PDZRN4: variants seen among roughly 807,000 people sequenced by gnomAD.
The protein encoded by PDZRN4 is PDZ domain containing ring finger 4.
A neutral mutation model predicts 99.0 loss-of-function variants in PDZRN4; 70 were observed. That is an observed-to-expected ratio of 0.71 (90% confidence interval 0.58 to 0.86). The LOEUF is 0.86. Among genes scored for constraint, PDZRN4 ranks in the 40% least tolerant of loss-of-function variants. The pLI is 0.00. For missense variants in PDZRN4, 1,474 were observed against 1,331.2 expected (o/e 1.11, Z -1.67); for synonymous variants, 551 against 501.6 (o/e 1.10, Z -1.32).
intron 3 of PDZRN4, among the ~76,000 whole-genome samples, chr12:41,405,954 G>T (rs190093458): frequency 6.6e-6 from 1 of 152,016 alleles, no homozygotes. Flanking sequence ...CTACAGCAGG[G>T]TGGGGGGCAG....
chr12:41,314,158 T>A (rs1264409695), intron 3 of PDZRN4, among the ~76,000 whole-genome samples: 1 of 152,198 alleles, frequency 6.6e-6, no homozygotes, highest in African/African-American at 2.4e-5. Flanking sequence ...TAGGTAAGGA[T>A]AACCTGTAGT....
At chr12:41,538,607 A>T (rs2120760036) in intron 5 of PDZRN4, among the ~76,000 whole-genome samples, 1 of 152,294 alleles carries the variant, frequency 6.6e-6, no homozygotes, top group South Asian at 2.1e-4. Flanking sequence ...ATGGAGAAAC[A>T]TGTCCACTCT....
At chr12:41,543,917 A>G (rs1938903801) in intron 5 of PDZRN4, among the ~76,000 whole-genome samples, 1 of 152,208 alleles carries the variant, frequency 6.6e-6, no homozygotes, top group Admixed American at 6.5e-5. Flanking sequence ...TGGAGCTGGA[A>G]TCAGCCCTGA....
At position 41,509,915 on chromosome 12, in the gene PDZRN4, T is replaced by C; in HGVS notation, c.1203+2T>C. ...AGAACAGAAGACTTTGAATATGAGG[T>C]AAGGTCATTTTCATACCACTTCACA... On this transcript the variant is annotated splice_donor_variant, in intron 5 of 9. Coordinates refer to ENST00000402685, the MANE Select transcript of PDZRN4 (RefSeq NM_001164595.2). LOFTEE classifies it high-confidence loss of function. 7.1e-7 allele frequency: 1 copy of C among 1,413,496 alleles called. No individual in the cohort carries two copies. Among genetic ancestry groups the C allele is most frequent in the Non-Finnish European group, 9.9e-7 (1 of 1,006,796 alleles). The allele number at this position is 1,413,496 out of a possible 1,614,324, so 87.6% of individuals were successfully genotyped here.
intron 3 of PDZRN4, among the ~76,000 whole-genome samples, chr12:41,290,223 G>A (rs1433752783): frequency 2.0e-5 from 3 of 152,130 alleles, no homozygotes; most frequent in Non-Finnish European, 4.4e-5. Flanking sequence ...TTTCTACTTA[G>A]GGAAGACAGA....
intron 3 of PDZRN4, among the ~76,000 whole-genome samples, chr12:41,228,691 G>A (rs1951011477): frequency 1.3e-5 from 2 of 152,068 alleles, no homozygotes; most frequent in Admixed American, 6.6e-5. Context: ...TCATTGCCAA[G>A]TATAAGCATG....
intron 3 of PDZRN4, among the ~76,000 whole-genome samples, chr12:41,280,645 G>C (rs369419349): frequency 6.6e-6 from 1 of 152,334 alleles, no homozygotes; most frequent in African/African-American, 2.4e-5. Context: ...AGCCACTGTA[G>C]CGAGACTGCC....
intron 3 of PDZRN4, among the ~76,000 whole-genome samples, chr12:41,228,639 G>A (rs541689546): frequency 1.3e-5 from 2 of 152,218 alleles, no homozygotes; most frequent in East Asian, 3.9e-4. Flanking sequence ...ATGCTCAGGA[G>A]GCTACCATGC....
intron 3 of PDZRN4, among the ~76,000 whole-genome samples, chr12:41,309,075 C>T (rs993766963): frequency 1.3e-5 from 2 of 152,072 alleles, no homozygotes; most frequent in Non-Finnish European, 2.9e-5. Flanking sequence ...ATACTCCCCT[C>T]AAAAACAATA....
rs575834171 is a variant in PDZRN4, at chr12:41,574,443, A to T, written c.*553A>T. On this transcript the variant is annotated 3_prime_UTR_variant, in exon 10 of 10. Coordinates refer to ENST00000402685, the MANE Select transcript of PDZRN4 (RefSeq NM_001164595.2). ...GTTAACATCCCATTGTACATTTAAC[A>T]CATAAATGGCCATTGTCTTTGTCTC... is the stretch of plus-strand genomic sequence containing the variant. The T allele has an allele frequency of 5.2e-5, 8 of 152,774 alleles. No individual in the cohort carries two copies. The South Asian group carries it at 1.7e-3, about 32-fold the overall frequency. 9.5% of individuals were successfully genotyped at this position (152,774 alleles called of 1,614,324 possible). A position where few individuals can be genotyped will look rare whatever the true frequency, so the allele number is the denominator to read the frequency against.
At chr12:41,431,519 G>C (rs1466827912) in intron 3 of PDZRN4, among the ~76,000 whole-genome samples, 1 of 152,142 alleles carries the variant, frequency 6.6e-6, no homozygotes, top group African/African-American at 2.4e-5. Flanking sequence ...CCTCAGGTCT[G>C]TTACCTTATT....
intron 2 of PDZRN4, among the ~76,000 whole-genome samples, chr12:41,192,348 C>G (rs1029138097): frequency 1.3e-5 from 2 of 152,228 alleles, no homozygotes; most frequent in Admixed American, 1.3e-4. Context: ...TGATCCACCT[C>G]CCTCACCTCC....
Position 41,572,389 on chromosome 12 carries a change from G to A in PDZRN4, c.1610G>A (p.Gly537Asp). 6.2e-7 allele frequency: 1 copy of A among 1,612,218 alleles called. No homozygotes were observed. Residue 537 changes from glycine (G) to aspartate (D), a missense_variant, in exon 10 of 10, where the codon GGC becomes GAC. Physicochemically the swap from Gly to Asp is moderately conservative, Grantham distance 94. Coordinates refer to ENST00000402685, the MANE Select transcript of PDZRN4 (RefSeq NM_001164595.2). ...CCAAAAAAGCAAGAAGAAGAAGAAG[G>A]CACAACAGACACTGCAACATCCTCA... ...EQPKKQEEEE[G>D]TTDTATSSSN...
chr12:41,402,662 C>CATAT (rs55908719), intron 3 of PDZRN4, among the ~76,000 whole-genome samples: 1 of 13,044 alleles, frequency 7.7e-5, no homozygotes, highest in African/African-American at 1.0e-3. Context: ...TGAGTATATA[C>CATAT]ATATATATAT....
At chr12:41,462,067 T>G (rs764381722) in intron 3 of PDZRN4, among the ~76,000 whole-genome samples, 1 of 152,236 alleles carries the variant, frequency 6.6e-6, no homozygotes, top group African/African-American at 2.4e-5. Flanking sequence ...CTATGCGATA[T>G]CTATCTCTTC....
chr12:41,557,420 G>A (rs2120816610), intron 7 of PDZRN4, among the ~76,000 whole-genome samples: 1 of 152,124 alleles, frequency 6.6e-6, no homozygotes, highest in African/African-American at 2.4e-5. Context: ...CCACACTTTT[G>A]GAATCCGAAA....
chr12:41,377,582 T>C (rs1952091537), intron 3 of PDZRN4, among the ~76,000 whole-genome samples: 1 of 151,934 alleles, frequency 6.6e-6, no homozygotes, highest in African/African-American at 2.4e-5. Context: ...GAGAATGGTG[T>C]GAACCCAGGA....
intron 3 of PDZRN4, among the ~76,000 whole-genome samples, chr12:41,311,800 T>C (rs1387009947): frequency 6.6e-6 from 1 of 152,204 alleles, no homozygotes; most frequent in African/African-American, 2.4e-5. Flanking sequence ...AGAGACTTGA[T>C]AGGTATCGTG....
intron 5 of PDZRN4, 119 bp from the exon 6 acceptor site, chr12:41,552,537 A>G (rs1346081534): frequency 7.8e-6 from 5 of 641,136 alleles, no homozygotes; most frequent in South Asian, 5.1e-5. Flanking sequence ...TTAATTTCCA[A>G]TGTTGGGCAA....
Sources: gnomAD v4.1 joint callset for allele counts (sites outside exome capture counted in the v4.1 genomes callset) on GRCh38, gnomAD v4.1.1 for gene constraint, MANE v1.5 for transcripts, NCBI Gene and HGNC (gene_info 2026-07-23, HGNC 2026-07-21) for gene names.